The following RARB variants were observed in gnomAD, a reference collection of about 807,000 sequenced individuals.
RARB encodes the protein HBV-activated protein.
Under a neutral mutation model 51.9 loss-of-function variants are expected in RARB, and 17 were observed. The observed-to-expected ratio is 0.33, with a 90% confidence interval of 0.22 to 0.49. The LOEUF (loss-of-function observed/expected upper bound fraction) is 0.49, where lower values mean the gene tolerates loss of function less well. Among genes scored for constraint, RARB ranks in the 20% least tolerant of loss-of-function variants. RARB has a pLI of 0.99. For missense variants in RARB, 369 were observed against 550.8 expected, an observed-to-expected ratio of 0.67 and a Z score of 3.30; for synonymous variants, 215 against 195.4, an observed-to-expected ratio of 1.10 and a Z score of -0.84.
intron 5 of RARB, among the ~76,000 whole-genome samples, chr3:25,188,209 T>A (rs1701020895): frequency 6.6e-6 from 1 of 152,122 alleles, no homozygotes; most frequent in Admixed American, 6.6e-5. Flanking sequence ...TCATCCCTGA[T>A]GTTTTATTTA....
chr3:24,996,977 G>T (rs956457772), intron 2 of RARB, among the ~76,000 whole-genome samples: 1 of 152,082 alleles, frequency 6.6e-6, no homozygotes, highest in Admixed American at 6.5e-5. Flanking sequence ...GGTCCATTTG[G>T]TCTATAATAT....
intron 2 of RARB, among the ~76,000 whole-genome samples, chr3:24,891,324 A>T (rs1436311801): frequency 6.6e-6 from 1 of 152,176 alleles, no homozygotes; most frequent in Non-Finnish European, 1.5e-5. Context: ...AGCACCTAGC[A>T]TGTCTACATT....
intron 5 of RARB, among the ~76,000 whole-genome samples, chr3:25,367,004 T>C (rs1358471015): frequency 6.6e-6 from 1 of 152,104 alleles, no homozygotes; most frequent in African/African-American, 2.4e-5. Flanking sequence ...GAGGAAAGGA[T>C]GACCCTTAAA....
intron 5 of RARB, among the ~76,000 whole-genome samples, chr3:25,350,741 T>A (rs1705541395): frequency 6.6e-6 from 1 of 152,190 alleles, no homozygotes; most frequent in African/African-American, 2.4e-5. Context: ...TTATATAAAT[T>A]TCATAACTGA....
intron 1 of RARB, among the ~76,000 whole-genome samples, chr3:25,435,308 G>A (rs1404301000): frequency 1.3e-5 from 2 of 152,192 alleles, no homozygotes. Context: ...TAAGATGAGT[G>A]CATCGGTTAA....
chr3:25,103,779 T>C (rs755373293), intron 3 of RARB, among the ~76,000 whole-genome samples: 19 of 152,228 alleles, frequency 1.2e-4, no homozygotes, highest in Non-Finnish European at 2.6e-4. Context: ...GGGTTCTTAT[T>C]TTCCTCCATT....
chr3:25,539,958 C>T (rs1473872482), intron 3 of RARB, among the ~76,000 whole-genome samples: 1 of 151,898 alleles, frequency 6.6e-6, no homozygotes, highest in Non-Finnish European at 1.5e-5. Flanking sequence ...GGATGCAAAC[C>T]CCACATATAC....
chr3:25,147,201 T>A (rs939419050), intron 4 of RARB, among the ~76,000 whole-genome samples: 1 of 152,188 alleles, frequency 6.6e-6, no homozygotes, highest in African/African-American at 2.4e-5. Flanking sequence ...GGTATCTATA[T>A]TTTAACAAGC....
intron 2 of RARB, among the ~76,000 whole-genome samples, chr3:25,051,857 A>G (rs904460113): frequency 6.6e-6 from 1 of 152,308 alleles, no homozygotes; most frequent in East Asian, 1.9e-4. Context: ...GGACTGTGAA[A>G]GAAACAGGTA....
At chr3:25,363,146 A>G (rs1363008211) in intron 5 of RARB, among the ~76,000 whole-genome samples, 2 of 152,190 alleles carry the variant, frequency 1.3e-5, no homozygotes, top group African/African-American at 2.4e-5. Context: ...ATTGTCCAGG[A>G]AAGTTGATGA....
At chr3:25,355,109 A>G (rs995542822) in intron 5 of RARB, among the ~76,000 whole-genome samples, 2 of 152,126 alleles carry the variant, frequency 1.3e-5, no homozygotes, top group African/African-American at 4.8e-5. Context: ...CAGGAAAATT[A>G]AATAATATTT....
chr3:24,882,639 T>TA (rs145266239), intron 2 of RARB, among the ~76,000 whole-genome samples: 3,590 of 152,316 alleles, frequency 0.024, 83 homozygotes, highest in Middle Eastern at 0.065. Flanking sequence ...GTGGTGTATT[T>TA]ACTAGAGAAG....
chr3:25,498,925 G>A (rs1697168605), intron 2 of RARB, among the ~76,000 whole-genome samples: 1 of 152,116 alleles, frequency 6.6e-6, no homozygotes, highest in South Asian at 2.1e-4. Context: ...CACAGATTCT[G>A]GGAGGATTTC....
chr3:25,393,418 A>G (rs1707027897), intron 5 of RARB, among the ~76,000 whole-genome samples: 1 of 151,986 alleles, frequency 6.6e-6, no homozygotes, highest in East Asian at 1.9e-4. Flanking sequence ...TGATTTAGGG[A>G]GGATTTCCTC....
intron 3 of RARB, among the ~76,000 whole-genome samples, chr3:25,084,467 T>C (rs534436028): frequency 2.3e-4 from 35 of 152,298 alleles, no homozygotes; most frequent in Non-Finnish European, 4.1e-4. Flanking sequence ...TTTTGTTGAC[T>C]TTTAATCATC....
intron 4 of RARB, among the ~76,000 whole-genome samples, chr3:25,577,119 C>G (rs1005756716): frequency 3.3e-5 from 5 of 152,128 alleles, no homozygotes; most frequent in African/African-American, 1.2e-4. Context: ...TGTGAGGAAC[C>G]AGTAGGGAGG....
chr3:24,898,939 C>G (rs1703537996), intron 2 of RARB, among the ~76,000 whole-genome samples: 1 of 152,166 alleles, frequency 6.6e-6, no homozygotes, highest in South Asian at 2.1e-4. Flanking sequence ...CTTCTATGTA[C>G]AACTCATTGG....
intron 3 of RARB, among the ~76,000 whole-genome samples, chr3:25,073,059 C>G (rs1214709279): frequency 6.6e-6 from 1 of 152,052 alleles, no homozygotes; most frequent in African/African-American, 2.4e-5. Flanking sequence ...ATTTCTTTCT[C>G]CTAAATGAGT....
chr3:25,392,412 T>C (rs1193823188), intron 5 of RARB, among the ~76,000 whole-genome samples: 1 of 152,122 alleles, frequency 6.6e-6, no homozygotes, highest in Non-Finnish European at 1.5e-5. Context: ...GATTGTATAT[T>C]TTAGTTGTGT....
Sources: allele counts gnomAD v4.1 joint callset (sites outside exome capture counted in the v4.1 genomes callset), GRCh38; gene constraint gnomAD v4.1.1; transcripts MANE v1.5; gene names NCBI Gene and HGNC (gene_info 2026-07-23, HGNC 2026-07-21).